The following PKP1 variants were observed in gnomAD, a reference collection of about 807,000 sequenced individuals.
PKP1 encodes plakophilin 1.
In PKP1, 27 loss-of-function variants were observed where a neutral mutation model predicts 76.4. That is an observed-to-expected ratio of 0.35 (90% CI 0.26 to 0.49). The LOEUF is 0.49. PKP1 is among the 20% of genes least tolerant of loss of function. The pLI, the probability that PKP1 is intolerant of heterozygous loss-of-function variation, is 0.99. For missense variants in PKP1, 964 were observed against 955.2 expected, an observed-to-expected ratio of 1.01 and a Z score of -0.12; for synonymous variants, 404 against 384.2, an observed-to-expected ratio of 1.05 and a Z score of -0.60.
At chr1:201,283,996 A>C in intron 1 of PKP1, 92 bp downstream of exon 1, 1 of 1,190,996 alleles carries the variant, frequency 8.4e-7, no homozygotes, top group Non-Finnish European at 1.2e-6. Flanking sequence ...ATCCCCGGGG[A>C]TGAGGGGAGG....
intron 2 of PKP1, among the ~76,000 whole-genome samples, chr1:201,312,372 T>A (rs2017166127): frequency 6.6e-6 from 1 of 152,198 alleles, no homozygotes; most frequent in African/African-American, 2.4e-5. Flanking sequence ...TGCTGGTGTC[T>A]GGGAATGGCA....
At chr1:201,290,060 C>T (rs538886511) in intron 1 of PKP1, among the ~76,000 whole-genome samples, 4 of 152,182 alleles carry the variant, frequency 2.6e-5, no homozygotes, top group Admixed American at 1.3e-4. Flanking sequence ...GGTTTTGAGG[C>T]GAGAAAGCTT....
intron 1 of PKP1, among the ~76,000 whole-genome samples, chr1:201,287,606 A>T (rs1655778700): frequency 6.6e-6 from 1 of 152,228 alleles, no homozygotes; most frequent in Non-Finnish European, 1.5e-5. Context: ...TTTACAATGT[A>T]CCTTGGCTTG....
intron 3 of PKP1, 133 bp downstream of exon 3, chr1:201,313,693 C>G: frequency 1.0e-6 from 1 of 972,300 alleles, no homozygotes; most frequent in East Asian, 2.6e-5. Flanking sequence ...GAGTTCATTG[C>G]CCCTGGTGTA....
At chr1:201,316,443 C>A in intron 3 of PKP1, 110 bp from the exon 4 acceptor site, 1 of 1,197,986 alleles carries the variant, frequency 8.3e-7, no homozygotes, top group Non-Finnish European at 1.2e-6. Flanking sequence ...TCTGGCTCTC[C>A]AGAGGGCAGA....
intron 7 of PKP1, among the ~76,000 whole-genome samples, chr1:201,320,996 G>C (rs972011437): frequency 6.6e-6 from 1 of 152,190 alleles, no homozygotes; most frequent in East Asian, 1.9e-4. Flanking sequence ...AAGTTGTGGA[G>C]GGCAGATAAA....
chr1:201,317,190 G>C (rs1722780), intron 4 of PKP1, among the ~76,000 whole-genome samples: 1 of 151,944 alleles, frequency 6.6e-6, no homozygotes, highest in East Asian at 1.9e-4. Flanking sequence ...CCAGAGTCCC[G>C]GATAAGTTTG....
intron 9 of PKP1, 116 bp from the exon 10 acceptor site, chr1:201,324,312 A>G: frequency 9.3e-7 from 1 of 1,070,168 alleles, no homozygotes; most frequent in South Asian, 1.3e-5. Flanking sequence ...TAGTGCTTCC[A>G]ATATGAAAGA....
intron 11 of PKP1, 111 bp downstream of exon 11, chr1:201,325,238 C>A: frequency 9.3e-7 from 1 of 1,074,372 alleles, no homozygotes; most frequent in Non-Finnish European, 1.4e-6. Flanking sequence ...GCACCAAGGG[C>A]AGGGGGAGCC....
At chr1:201,323,634 G>A (rs1009709325) in intron 9 of PKP1, among the ~76,000 whole-genome samples, 3 of 152,242 alleles carry the variant, frequency 2.0e-5, no homozygotes, top group African/African-American at 7.2e-5. Context: ...AATGTATGTA[G>A]CTTGGAGGGC....
intron 2 of PKP1, among the ~76,000 whole-genome samples, chr1:201,295,532 G>A (rs1204992789): frequency 8.5e-5 from 13 of 152,214 alleles, no homozygotes; most frequent in Admixed American, 8.5e-4. Context: ...AAAGGGATTA[G>A]ATGAAACCCA....
chr1:201,321,589 A>G (rs1656940569), intron 7 of PKP1, among the ~76,000 whole-genome samples: 2 of 152,020 alleles, frequency 1.3e-5, no homozygotes, highest in Non-Finnish European at 2.9e-5. Context: ...AAAAAAAGAC[A>G]CATTCTTCAA....
In PKP1 at chr1:201,320,089, C is replaced by G. The variant is rs577520583; in HGVS notation, c.1233-178C>G. ...TCTTCATTCCTTTCCTCCCTTTCCTCTTCTCCTTCCTTCCTTCTACCACAA... is the reference window on the plus strand; with the variant it reads ...TCTTCATTCCTTTCCTCCCTTTCCTGTTCTCCTTCCTTCCTTCTACCACAA... On this transcript the variant is annotated intron_variant, in intron 6 of 13. Transcript: ENST00000367324. 4 of 691,428 alleles carry G rather than the reference C, an allele frequency of 5.8e-6. No homozygotes were observed. In the African/African-American group the frequency reaches 7.1e-5, roughly 12 times the overall value. 42.8% of individuals were successfully genotyped at this position (691,428 alleles called of 1,614,324 possible). A position where few individuals can be genotyped will look rare whatever the true frequency, so the allele number is the denominator to read the frequency against.
At chr1:201,291,435 A>G (rs958585653) in intron 1 of PKP1, among the ~76,000 whole-genome samples, 2 of 152,368 alleles carry the variant, frequency 1.3e-5, no homozygotes, top group East Asian at 1.9e-4. Context: ...TCCATGGCAG[A>G]GAGGCCTCTA....
At chr1:201,321,907 G>T in intron 7 of PKP1, 71 bp from the exon 8 acceptor site, 1 of 1,568,402 alleles carries the variant, frequency 6.4e-7, no homozygotes. Flanking sequence ...TTATTAGCTA[G>T]GGTAGGTGGT....
intron 2 of PKP1, among the ~76,000 whole-genome samples, chr1:201,308,540 C>T (rs1315902480): frequency 6.6e-6 from 1 of 152,164 alleles, no homozygotes; most frequent in Admixed American, 6.5e-5. Context: ...TGGGTTAGAA[C>T]AGGCCTTTTG....
At chr1:201,318,853 A>T in intron 6 of PKP1, 58 bp downstream of exon 6, 1 of 1,402,564 alleles carries the variant, frequency 7.1e-7, no homozygotes, top group Non-Finnish European at 9.9e-7. Context: ...TTCCCCAGGC[A>T]GCCCCATCTC....
intron 1 of PKP1, among the ~76,000 whole-genome samples, chr1:201,292,724 G>T (rs1049576010): frequency 6.6e-6 from 1 of 152,188 alleles, no homozygotes; most frequent in Admixed American, 6.5e-5. Context: ...GTTTCCGATG[G>T]GGGAGTCTGA....
chr1:201,289,098 G>A (rs1655824733), intron 1 of PKP1, among the ~76,000 whole-genome samples: 1 of 152,216 alleles, frequency 6.6e-6, no homozygotes. Flanking sequence ...CAGCCCAGCA[G>A]AGGGGGCAGG....
Sources: gnomAD v4.1 joint callset for allele counts (sites outside exome capture counted in the v4.1 genomes callset) on GRCh38, gnomAD v4.1.1 for gene constraint, MANE v1.5 for transcripts, NCBI Gene and HGNC (gene_info 2026-07-23, HGNC 2026-07-21) for gene names.